Variants in IL23R observed in about 807,000 individuals in gnomAD.
The protein encoded by IL23R is interleukin-23 receptor.
In IL23R, 34 loss-of-function variants were observed where a neutral mutation model predicts 56.9. That is an observed-to-expected ratio of 0.60 (90% CI 0.45 to 0.80). The LOEUF (loss-of-function observed/expected upper bound fraction) is 0.80. Among genes scored for constraint, IL23R ranks in the 30% least tolerant of loss-of-function variants. The probability of loss-of-function intolerance (pLI) is 0.00; values close to 1 mark genes in which losing one functional copy is unlikely to be tolerated. For synonymous variants in IL23R, 230 were observed against 249.2 expected, an observed-to-expected ratio of 0.92 and a Z score of 0.73; for missense variants, 635 against 730.0, an observed-to-expected ratio of 0.87 and a Z score of 1.50.
At chr1:67,221,378 A>G (rs951095469) in intron 7 of IL23R, among the ~76,000 whole-genome samples, 3 of 152,202 alleles carry the variant, frequency 2.0e-5, no homozygotes, top group Non-Finnish European at 4.4e-5. Context: ...TCATATCAAT[A>G]AACGTTATCT....
At chr1:67,204,886 C>A (rs1422835227) in intron 5 of IL23R, among the ~76,000 whole-genome samples, 1 of 151,584 alleles carries the variant, frequency 6.6e-6, no homozygotes, top group Admixed American at 6.6e-5. Flanking sequence ...TCAAGTGATT[C>A]TTGTGCTTCA....
At chr1:67,245,435 G>T (rs998234919) in intron 9 of IL23R, among the ~76,000 whole-genome samples, 8 of 152,118 alleles carry the variant, frequency 5.3e-5, no homozygotes, top group Non-Finnish European at 1.2e-4. Context: ...GTATGATATT[G>T]TCTGTGGGTT....
chr1:67,182,890 A>G lies in IL23R; in HGVS notation c.422A>G (p.Asn141Ser). The change falls in exon 4 of 11, where the codon AAC becomes AGC. Residue 141 changes from asparagine to serine, a missense_variant. Coordinates refer to ENST00000347310, the MANE Select transcript of IL23R (RefSeq NM_144701.3). The stretch of plus-strand genomic sequence containing the variant: ...TGTGTCATTTATGAATATTCAGGCA[A>G]CATGACTTGCACCTGGAATGCTGGG... ...VTCVIYEYSGNMTCTWNAGKL... is the reference protein window; with the variant it reads ...VTCVIYEYSGSMTCTWNAGKL... 1 of 1,614,114 alleles carries G rather than the reference A, an allele frequency of 6.2e-7. No homozygotes were observed. The highest frequency in any genetic ancestry group is 8.5e-7 in the Non-Finnish European group (1 of 1,179,976).
At chr1:67,197,675 T>C (rs1289222791) in intron 4 of IL23R, among the ~76,000 whole-genome samples, 1 of 152,174 alleles carries the variant, frequency 6.6e-6, no homozygotes, top group Non-Finnish European at 1.5e-5. Context: ...CCAGGTGTGG[T>C]GGCTCACACC....
intron 3 of IL23R, among the ~76,000 whole-genome samples, chr1:67,173,019 T>C (rs1646962257): frequency 6.6e-6 from 1 of 152,084 alleles, no homozygotes; most frequent in East Asian, 1.9e-4. Flanking sequence ...TTGGCTAGAC[T>C]CTGAATTAAC....
intron 1 of IL23R, among the ~76,000 whole-genome samples, chr1:67,148,973 C>G (rs1646705676): frequency 6.6e-6 from 1 of 152,148 alleles, no homozygotes; most frequent in African/African-American, 2.4e-5. Context: ...GCAGGGCTGC[C>G]CTAGCCAACC....
At chr1:67,234,258 T>C (rs1240355056) in intron 7 of IL23R, among the ~76,000 whole-genome samples, 1 of 152,234 alleles carries the variant, frequency 6.6e-6, no homozygotes, top group African/African-American at 2.4e-5. Context: ...CTTGATTTCT[T>C]CTCTGACAAT....
intron 9 of IL23R, among the ~76,000 whole-genome samples, chr1:67,250,406 A>G (rs929056386): frequency 4.6e-5 from 7 of 152,180 alleles, no homozygotes; most frequent in African/African-American, 1.7e-4. Flanking sequence ...TTTTCTTTAT[A>G]ATCTTTTTTG....
rs202093695 is a variant in IL23R, at chr1:67,160,919, A to AT, written c.-633-7167dup. ...AGGACATTATGAAAGACTTCATAAGATTTTTTCTTATTGATTGGCAAGAGT... is the reference window on the plus strand; with the variant it reads ...AGGACATTATGAAAGACTTCATAAGATTTTTTTCTTATTGATTGGCAAGAGT... On this transcript the variant is annotated intron_variant, in intron 1 of 10. Coordinates refer to the IL23R transcript ENST00000637002. 4.5e-4 allele frequency among the ~76,000 whole-genome samples: 68 copies of AT among 152,292 alleles called. 2 individuals are homozygous for AT. The East Asian group carries it at 8.3e-3, about 19-fold the overall frequency.
chr1:67,158,089 G>T (rs897806780), intron 1 of IL23R, among the ~76,000 whole-genome samples: 7 of 152,066 alleles, frequency 4.6e-5, no homozygotes, highest in Admixed American at 2.6e-4. Flanking sequence ...GATGGTGGGG[G>T]CCTGTAATCC....
chr1:67,225,222 G>C (rs1570884595), intron 7 of IL23R, among the ~76,000 whole-genome samples: 1 of 152,226 alleles, frequency 6.6e-6, no homozygotes, highest in Non-Finnish European at 1.5e-5. Flanking sequence ...CATGAGAAAA[G>C]AACCAGAAGA....
At chr1:67,237,785 G>T (rs1232620484) in intron 8 of IL23R, among the ~76,000 whole-genome samples, 1 of 152,200 alleles carries the variant, frequency 6.6e-6, no homozygotes, top group Admixed American at 6.5e-5. Flanking sequence ...ATTGACCACT[G>T]ACAGACCATT....
chr1:67,179,451 A>G (rs1647058287), intron 3 of IL23R, among the ~76,000 whole-genome samples: 1 of 151,898 alleles, frequency 6.6e-6, no homozygotes, highest in African/African-American at 2.4e-5. Flanking sequence ...TTTCTGTGGG[A>G]TCGGTGGTGA....
At chr1:67,150,682 G>A (rs966435406) in intron 1 of IL23R, among the ~76,000 whole-genome samples, 7 of 146,828 alleles carry the variant, frequency 4.8e-5, no homozygotes, top group Non-Finnish European at 1.0e-4. Flanking sequence ...GGTTTGAAAT[G>A]CCTGTTATCC....
intron 3 of IL23R, among the ~76,000 whole-genome samples, chr1:67,175,084 G>T (rs977136291): frequency 2.0e-5 from 3 of 152,074 alleles, no homozygotes; most frequent in Non-Finnish European, 2.9e-5. Context: ...CACTTCTGTG[G>T]AGAGCCTCTT....
intron 3 of IL23R, 105 bp from the exon 4 acceptor site, chr1:67,182,731 G>A (rs374014462): frequency 3.0e-5 from 35 of 1,184,548 alleles, no homozygotes; most frequent in Middle Eastern, 3.8e-4. Context: ...CATCATTCAC[G>A]CTGGGAGCTG....
At chr1:67,157,992 G>A (rs1646783465) in intron 1 of IL23R, among the ~76,000 whole-genome samples, 2 of 152,280 alleles carry the variant, frequency 1.3e-5, no homozygotes, top group South Asian at 2.1e-4. Context: ...AAGGTGGGTG[G>A]ATCACCAGAG....
chr1:67,179,882 T>C (rs879223899), intron 3 of IL23R, among the ~76,000 whole-genome samples: 11 of 152,206 alleles, frequency 7.2e-5, no homozygotes, highest in African/African-American at 2.4e-4. Context: ...ATGTACCTAG[T>C]AGTCATTCAG....
intron 6 of IL23R, among the ~76,000 whole-genome samples, chr1:67,215,174 C>T (rs979075929): frequency 3.9e-5 from 6 of 152,170 alleles, no homozygotes; most frequent in South Asian, 2.1e-4. Context: ...AAAGCCCTTC[C>T]TTCTATAACT....
Sources: gnomAD v4.1 joint callset for allele counts (sites outside exome capture counted in the v4.1 genomes callset) on GRCh38, gnomAD v4.1.1 for gene constraint, MANE v1.5 for transcripts, NCBI Gene and HGNC (gene_info 2026-07-23, HGNC 2026-07-21) for gene names.